PCSK6: variants seen among roughly 807,000 people sequenced by gnomAD.
The protein encoded by PCSK6 is proprotein convertase subtilisin/kexin type 6.
A neutral mutation model predicts 123.3 loss-of-function variants in PCSK6; 85 were observed. The observed-to-expected ratio is 0.69, with a 90% confidence interval of 0.58 to 0.83. The LOEUF is 0.83. Ranked by LOEUF, PCSK6 falls within the 40% of genes least tolerant of loss-of-function variation. The pLI is 0.00. For missense variants in PCSK6, 1,191 were observed against 1,282.3 expected (o/e 0.93, Z 1.09); for synonymous variants, 508 against 516.0 (o/e 0.98, Z 0.21).
intron 6 of PCSK6, among the ~76,000 whole-genome samples, chr15:101,408,791 A>G (rs1432189748): frequency 1.3e-5 from 2 of 152,244 alleles, no homozygotes; most frequent in Non-Finnish European, 2.9e-5. Flanking sequence ...TAATGGAAAC[A>G]CTAACGAGAC....
In PCSK6 at chr15:101,305,571, G is replaced by A. The variant is rs1286941616; in HGVS notation, c.2813-216C>T. On this transcript the variant is annotated intron_variant, in intron 21 of 21. Coordinates refer to ENST00000611716, the MANE Select transcript of PCSK6 (RefSeq NM_002570.5). This position sits in a 1 kb window ranked among gnomAD's most constrained non-coding sequence, Gnocchi z 4.8. ...AATAATATAAAAATTAGCTGGGCAT[G>A]GTGGTGGGCACCTGTAATCCAAGCT... is the stretch of plus-strand genomic sequence containing the variant. 5 of 475,712 alleles carry A rather than the reference G, an allele frequency of 1.1e-5. No individual in the cohort carries two copies. The highest frequency in any genetic ancestry group is 4.5e-5 in the South Asian group (2 of 44,858). 29.5% of individuals were successfully genotyped at this position (475,712 alleles called of 1,614,324 possible).
At chr15:101,396,690 CA>C (rs906499368) in intron 7 of PCSK6, among the ~76,000 whole-genome samples, 2 of 152,038 alleles carry the variant, frequency 1.3e-5, no homozygotes, top group Admixed American at 1.3e-4. Context: ...TGCCAGCACT[CA>C]CTCAGCCCAG....
Position 101,313,516 on chromosome 15 carries a change from C to T in PCSK6, c.2570-11G>A, listed in dbSNP as rs2039917914. On this transcript the variant is annotated splice_polypyrimidine_tract_variant and intron_variant, in intron 19 of 21. Transcript: ENST00000611716. ...CTTCTCTGCCTGGCCCTGAGAGACACAGGAAAAGAAGCAGGTATCAGGGAT... is the reference window on the plus strand; with the variant it reads ...CTTCTCTGCCTGGCCCTGAGAGACATAGGAAAAGAAGCAGGTATCAGGGAT... 6.3e-7 allele frequency: 1 copy of T among 1,588,076 alleles called. No individual in the cohort carries two copies. Among genetic ancestry groups the T allele is most frequent in the Non-Finnish European group, 8.5e-7 (1 of 1,170,372 alleles).
chr15:101,489,626 G>A lies in PCSK6; in HGVS notation c.45C>T (p.Pro15=). Reference sequence around the variant, plus strand: ...CGGTGTCGGTGGCGGCGGCGGCCCGGGGCGGCGGCCGGGGCCCGGGCGCAG... The same window carrying A: ...CGGTGTCGGTGGCGGCGGCGGCCCGAGGCGGCGGCCGGGGCCCGGGCGCAG... ...APPAPGPRPP[P]RAAAATDTAA... Residue 15 remains proline (P), a synonymous_variant, in exon 1 of 22, where the codon CCC becomes CCT. Transcript: ENST00000611716. 1.0e-6 allele frequency: 1 copy of A among 975,728 alleles called. No individual in the cohort carries two copies. Among genetic ancestry groups the A allele is most frequent in the Non-Finnish European group, 1.2e-6 (1 of 825,418 alleles). The allele number at this position is 975,728 out of a possible 1,614,324, so 60.4% of individuals were successfully genotyped here.
chr15:101,438,842 A>G (rs1156549283), intron 2 of PCSK6, among the ~76,000 whole-genome samples: 1 of 152,234 alleles, frequency 6.6e-6, no homozygotes, highest in African/African-American at 2.4e-5. Flanking sequence ...CCAAGTCCGC[A>G]GCCTCTGAGC....
intron 6 of PCSK6, among the ~76,000 whole-genome samples, chr15:101,407,597 A>G (rs1467905654): frequency 1.3e-5 from 2 of 152,154 alleles, no homozygotes; most frequent in East Asian, 3.9e-4. Context: ...GCAGCTAGGG[A>G]CAGCCCCTAT....
intron 11 of PCSK6, among the ~76,000 whole-genome samples, chr15:101,370,816 C>A (rs2041562781): frequency 6.6e-6 from 1 of 152,258 alleles, no homozygotes; most frequent in Non-Finnish European, 1.5e-5. Flanking sequence ...GGCCGAGGCA[C>A]CGCCTGCTGC....
chr15:101,433,239 TA>T (rs953480341), intron 2 of PCSK6, among the ~76,000 whole-genome samples: 16 of 152,190 alleles, frequency 1.1e-4, no homozygotes, highest in Admixed American at 3.3e-4. Flanking sequence ...GCCACAGGGT[TA>T]ATATAAGAAA....
intron 11 of PCSK6, among the ~76,000 whole-genome samples, chr15:101,378,925 C>T (rs777638327): frequency 1.2e-4 from 18 of 152,274 alleles, no homozygotes; most frequent in Admixed American, 4.6e-4. Flanking sequence ...ATCACCGCCC[C>T]AGCTCCTTCC....
At chr15:101,456,944 A>G (rs2057199389) in intron 1 of PCSK6, among the ~76,000 whole-genome samples, 1 of 152,120 alleles carries the variant, frequency 6.6e-6, no homozygotes, top group Non-Finnish European at 1.5e-5. Flanking sequence ...TGGGAGGCCA[A>G]GCAGATCACC....
intron 19 of PCSK6, among the ~76,000 whole-genome samples, chr15:101,317,100 T>C (rs556681895): frequency 3.3e-5 from 5 of 152,064 alleles, no homozygotes; most frequent in African/African-American, 1.2e-4. Context: ...TTAGTAGAGA[T>C]GGGGTTTCAC....
intron 2 of PCSK6, among the ~76,000 whole-genome samples, chr15:101,441,341 T>C (rs1412508710): frequency 6.6e-6 from 1 of 151,726 alleles, no homozygotes; most frequent in Non-Finnish European, 1.5e-5. Context: ...AGGTCCAGGG[T>C]ATGGTGGCCC....
At chr15:101,433,045 T>C (rs1269865731) in intron 2 of PCSK6, among the ~76,000 whole-genome samples, 1 of 152,274 alleles carries the variant, frequency 6.6e-6, no homozygotes, top group South Asian at 2.1e-4. Flanking sequence ...ATGATTTGTT[T>C]TCACGATCAA....
At chr15:101,347,547 A>G (rs943695188) in intron 13 of PCSK6, 40 of 1,388,514 alleles carry the variant, frequency 2.9e-5, no homozygotes, top group Non-Finnish European at 3.7e-5. Context: ...AACAAGGTTC[A>G]TGCTTGCACG....
At chr15:101,447,178 G>A (rs1009864054) in intron 1 of PCSK6, among the ~76,000 whole-genome samples, 2 of 152,124 alleles carry the variant, frequency 1.3e-5, no homozygotes, top group African/African-American at 2.4e-5. Context: ...CCCCAGGTAC[G>A]AGGAGGTTCT....
At chr15:101,365,670 AG>A (rs1347458630) in intron 13 of PCSK6, 1 of 153,132 alleles carries the variant, frequency 6.5e-6, no homozygotes, top group African/African-American at 2.4e-5. Context: ...TGTCCATCAC[AG>A]GTGAATGAAT....
Position 101,305,627 on chromosome 15 carries a change from G to T in PCSK6, c.2813-272C>A. On this transcript the variant is annotated intron_variant, in intron 21 of 21. Coordinates refer to ENST00000611716, the MANE Select transcript of PCSK6 (RefSeq NM_002570.5). The surrounding 1 kb of genome is among the most constrained non-coding windows in gnomAD (Gnocchi z 4.8). ...GGAGGCTAAAGCAGGAGAACCACCT[G>T]AACCCAGGAGGCAGAGGTTGCAGTG... is the stretch of plus-strand genomic sequence containing the variant. 1 of 361,646 alleles carries T rather than the reference G, an allele frequency of 2.8e-6. No individual in the cohort carries two copies. The highest frequency in any genetic ancestry group is 3.3e-5 in the South Asian group (1 of 30,010). The allele number at this position is 361,646 out of a possible 1,614,324, so 22.4% of individuals were successfully genotyped here. A position where few individuals can be genotyped will look rare whatever the true frequency, so the allele number is the denominator to read the frequency against.
chr15:101,433,150 C>T (rs546028939), intron 2 of PCSK6, among the ~76,000 whole-genome samples: 35 of 152,326 alleles, frequency 2.3e-4, no homozygotes, highest in African/African-American at 7.9e-4. Flanking sequence ...TGCTCACCAG[C>T]TGTGTGACTT....
At chr15:101,372,260 G>A (rs1214372463) in intron 11 of PCSK6, among the ~76,000 whole-genome samples, 2 of 152,144 alleles carry the variant, frequency 1.3e-5, no homozygotes, top group East Asian at 3.8e-4. Context: ...GGCTTATTAC[G>A]GGGAGCGCTT....
Sources: allele counts gnomAD v4.1 joint callset (sites outside exome capture counted in the v4.1 genomes callset), GRCh38; gene constraint gnomAD v4.1.1; non-coding constraint Gnocchi (gnomAD v3.1); transcripts MANE v1.5; gene names NCBI Gene and HGNC (gene_info 2026-07-23, HGNC 2026-07-21).